Variants in BACH2 observed in about 807,000 individuals in gnomAD.
BACH2 encodes the protein BACH transcriptional regulator 2.
In BACH2, 5 loss-of-function variants were observed where a neutral mutation model predicts 61.8. The ratio of observed to expected loss-of-function variants is 0.08; its 90% confidence interval spans 0.04 to 0.17. BACH2 has a LOEUF of 0.17. Ranked by LOEUF, BACH2 falls within the 10% of genes least tolerant of loss-of-function variation. The pLI, the probability that BACH2 is intolerant of heterozygous loss-of-function variation, is 1.00. For synonymous variants in BACH2, 446 were observed against 440.1 expected (o/e 1.01, Z -0.17); for missense variants, 824 against 1,091.1 (o/e 0.76, Z 3.45).
intron 6 of BACH2, among the ~76,000 whole-genome samples, chr6:89,981,801 G>A (rs1245137363): frequency 1.3e-5 from 2 of 152,122 alleles, no homozygotes; most frequent in Non-Finnish European, 2.9e-5. Flanking sequence ...GTTACCTAGA[G>A]GAAGCGTGTG....
At chr6:90,195,285 T>C (rs1046662325) in intron 4 of BACH2, among the ~76,000 whole-genome samples, 20 of 152,182 alleles carry the variant, frequency 1.3e-4, no homozygotes, top group African/African-American at 4.8e-4. Flanking sequence ...TTAGCGTTTC[T>C]GACATTACAC....
At chr6:89,968,132 CAT>C (rs1293319518) in intron 6 of BACH2, among the ~76,000 whole-genome samples, 1 of 152,226 alleles carries the variant, frequency 6.6e-6, no homozygotes, top group African/African-American at 2.4e-5. Flanking sequence ...AAAATTCCAA[CAT>C]ATGAAAACTG....
At chr6:89,973,940 C>T (rs1775509045) in intron 6 of BACH2, among the ~76,000 whole-genome samples, 1 of 152,086 alleles carries the variant, frequency 6.6e-6, no homozygotes, top group Non-Finnish European at 1.5e-5. Context: ...TATCACTTTA[C>T]ATTGCAATTT....
chr6:90,192,072 CTG>C (rs1248113164), intron 4 of BACH2, among the ~76,000 whole-genome samples: 1 of 152,128 alleles, frequency 6.6e-6, no homozygotes, highest in Non-Finnish European at 1.5e-5. Flanking sequence ...TAGGTAAAAA[CTG>C]TGTTTTAAAG....
At chr6:90,252,710 G>GGATGCCA (rs1406513003) in intron 2 of BACH2, 120 bp from the exon 3 acceptor site, 1 of 151,990 alleles carries the variant, frequency 6.6e-6, no homozygotes, top group Non-Finnish European at 1.5e-5. Context: ...ACAACACCAG[G>GGATGCCA]GATGCCAGAA....
chr6:90,202,551 A>G (rs1362866613), intron 4 of BACH2, among the ~76,000 whole-genome samples: 1 of 152,230 alleles, frequency 6.6e-6, no homozygotes, highest in Non-Finnish European at 1.5e-5. Context: ...AGCAATAAAA[A>G]TCAGATCCAG....
chr6:90,039,924 G>C (rs1262155609), intron 5 of BACH2, among the ~76,000 whole-genome samples: 2 of 150,952 alleles, frequency 1.3e-5, no homozygotes, highest in Non-Finnish European at 2.9e-5. Context: ...TTCCCCTATT[G>C]CATTGTTGGT....
chr6:90,003,741 A>T lies in BACH2; in HGVS notation c.243+4861T>A, dbSNP rs900879301. Among the ~76,000 whole-genome samples, 14 of 152,186 alleles carry T rather than the reference A, an allele frequency of 9.2e-5. 2 individuals are homozygous for T. Among genetic ancestry groups the T allele is most frequent in the Admixed American group, 7.9e-4 (12 of 15,270 alleles). ...CCCTCAAGGCTGATGATCCTAGTTTAAAAAAATCTGCCCATTACTCTTTTT... is the reference window on the plus strand; with the variant it reads ...CCCTCAAGGCTGATGATCCTAGTTTTAAAAAATCTGCCCATTACTCTTTTT... On this transcript the variant is annotated intron_variant, in intron 6 of 8. Transcript: ENST00000257749.
intron 4 of BACH2, chr6:90,104,487 T>C (rs1782812788): frequency 6.6e-6 from 1 of 152,236 alleles, no homozygotes; most frequent in Non-Finnish European, 1.5e-5. Context: ...ATGCTGCAGA[T>C]TTTATTTAAA....
chr6:90,285,656 G>C (rs1049833703), intron 1 of BACH2, among the ~76,000 whole-genome samples: 4 of 152,176 alleles, frequency 2.6e-5, no homozygotes, highest in Non-Finnish European at 5.9e-5. Flanking sequence ...GGCTGTGTCT[G>C]GCTGCTGGCA....
At chr6:90,122,021 C>T (rs1264861346) in intron 4 of BACH2, among the ~76,000 whole-genome samples, 2 of 152,154 alleles carry the variant, frequency 1.3e-5, no homozygotes, top group Non-Finnish European at 2.9e-5. Context: ...GTAAGAAAGG[C>T]TGAACCTTTC....
chr6:90,034,190 T>C (rs1183313771), intron 5 of BACH2, among the ~76,000 whole-genome samples: 3 of 152,196 alleles, frequency 2.0e-5, no homozygotes, highest in Non-Finnish European at 2.9e-5. Context: ...ATACCAACCG[T>C]ATCTAATGTA....
At chr6:89,997,914 T>C (rs72923958) in intron 6 of BACH2, among the ~76,000 whole-genome samples, 2,626 of 152,278 alleles carry the variant, frequency 0.017, 32 homozygotes, top group Middle Eastern at 0.027. Context: ...GTAACACTTT[T>C]GGGAAGAATA....
chr6:90,286,079 C>G (rs1207532010), intron 1 of BACH2, among the ~76,000 whole-genome samples: 2 of 152,192 alleles, frequency 1.3e-5, no homozygotes, highest in African/African-American at 4.8e-5. Flanking sequence ...ATGTGTGGAA[C>G]AGCTGCACTG....
At position 90,172,395 on chromosome 6, in the gene BACH2, G is replaced by GA. The variant is rs545319375; in HGVS notation, c.-162+34173dup. Among the ~76,000 whole-genome samples the GA allele has an allele frequency of 1.1e-4, 17 of 151,450 alleles. No individual in the cohort carries two copies. The East Asian group carries it at 2.5e-3, about 22-fold the overall frequency. ...GAGATGTAAAGGGCAGAATGTGAAG[G>GA]AAAAAACAGACAATGTGGGAAAGGC... On this transcript the variant is annotated intron_variant, in intron 4 of 8. Coordinates refer to ENST00000257749, the MANE Select transcript of BACH2 (RefSeq NM_021813.4).
chr6:90,056,534 C>T (rs1562406736), intron 5 of BACH2, among the ~76,000 whole-genome samples: 3 of 151,990 alleles, frequency 2.0e-5, no homozygotes, highest in Non-Finnish European at 2.9e-5. Flanking sequence ...GAGACTTTAA[C>T]ATCCCACTGT....
intron 4 of BACH2, among the ~76,000 whole-genome samples, chr6:90,108,926 T>C (rs1228025802): frequency 1.3e-5 from 2 of 152,108 alleles, no homozygotes; most frequent in Non-Finnish European, 2.9e-5. Flanking sequence ...CTGGATCCCA[T>C]CCCCTCTCTC....
chr6:89,962,946 A>C (rs1342741888), intron 6 of BACH2, among the ~76,000 whole-genome samples: 1 of 152,212 alleles, frequency 6.6e-6, no homozygotes, highest in African/African-American at 2.4e-5. Flanking sequence ...AATGGGAGGG[A>C]ATATTTGTAA....
intron 6 of BACH2, among the ~76,000 whole-genome samples, chr6:89,980,734 T>C (rs1775905218): frequency 6.6e-6 from 1 of 152,194 alleles, no homozygotes; most frequent in Non-Finnish European, 1.5e-5. Flanking sequence ...AGGTGTTGAG[T>C]CTTTTCTGAA....
Sources: gnomAD v4.1 joint callset for allele counts (sites outside exome capture counted in the v4.1 genomes callset) on GRCh38, gnomAD v4.1.1 for gene constraint, MANE v1.5 for transcripts, NCBI Gene and HGNC (gene_info 2026-07-23, HGNC 2026-07-21) for gene names.